AGAP1: variants seen among roughly 807,000 people sequenced by gnomAD.
AGAP1 encodes the protein ArfGAP with GTPase domain, ankyrin repeat and PH domain 1, also known as arf-GAP with GTPase, ANK repeat and PH domain-containing protein 1.
A neutral mutation model predicts 105.3 loss-of-function variants in AGAP1; 29 were observed. The observed-to-expected ratio is 0.28, with a 90% CI of 0.21 to 0.38. The LOEUF (loss-of-function observed/expected upper bound fraction) is 0.38, where lower values mean the gene tolerates loss of function less well. Ranked by LOEUF, AGAP1 falls within the 10% of genes least tolerant of loss-of-function variation. The pLI, the probability that AGAP1 is intolerant of heterozygous loss-of-function variation, is 1.00. For missense variants in AGAP1, 998 were observed against 1,165.1 expected (o/e 0.86, Z 2.09); for synonymous variants, 509 against 485.9 (o/e 1.05, Z -0.63).
chr2:235,594,203 A>C (rs966931565), intron 1 of AGAP1, among the ~76,000 whole-genome samples: 3 of 152,120 alleles, frequency 2.0e-5, no homozygotes, highest in Non-Finnish European at 4.4e-5. Flanking sequence ...TAGAGACAGA[A>C]TACAGTTCTT....
At chr2:235,649,588 C>T (rs1280568647) in intron 1 of AGAP1, among the ~76,000 whole-genome samples, 2 of 152,102 alleles carry the variant, frequency 1.3e-5, no homozygotes, top group African/African-American at 2.4e-5. Context: ...CCCAGGCTGG[C>T]CTCAGACTCG....
intron 6 of AGAP1, among the ~76,000 whole-genome samples, chr2:235,786,951 T>A (rs991456080): frequency 2.0e-5 from 3 of 152,222 alleles, no homozygotes; most frequent in Non-Finnish European, 2.9e-5. Context: ...TCTTGACACC[T>A]TTTCCCAGCA....
intron 1 of AGAP1, among the ~76,000 whole-genome samples, chr2:235,572,122 C>T (rs1165053627): frequency 6.7e-6 from 1 of 150,048 alleles, no homozygotes; most frequent in South Asian, 2.2e-4. Flanking sequence ...TAATTTGGGT[C>T]TGAACTTTAT....
Position 235,930,673 on chromosome 2 carries a change from ATG to A in AGAP1, c.1325-89_1325-88del, listed in dbSNP as rs2052678406. 2 of 1,310,970 alleles carry A rather than the reference ATG, an allele frequency of 1.5e-6. No homozygotes were observed. Among genetic ancestry groups the A allele is most frequent in the Non-Finnish European group, 2.1e-6 (2 of 963,574 alleles). 81.2% of individuals were successfully genotyped at this position (1,310,970 alleles called of 1,614,324 possible). On this transcript the variant is annotated intron_variant, in intron 11 of 17. Coordinates refer to ENST00000304032, the MANE Select transcript of AGAP1 (RefSeq NM_001037131.3). The surrounding 1 kb of genome is among the most constrained non-coding windows in gnomAD (Gnocchi z 7.9). ...GCTGCTCTCGGTGGTAAGGTGCACT[ATG>A]TGCCAGCGTGTGGGTCCCATAGACT...
chr2:235,701,334 G>A lies in AGAP1; in HGVS notation c.164-7845G>A, dbSNP rs191524591. On this transcript the variant is annotated intron_variant, in intron 1 of 17. Coordinates refer to ENST00000304032, the MANE Select transcript of AGAP1 (RefSeq NM_001037131.3). The surrounding 1 kb of genome is among the most constrained non-coding windows in gnomAD (Gnocchi z 4.1). Reference sequence around the variant, plus strand: ...ACGTTGTTGTGACAGATTCTAAGTCGCCTCAGGGCTCAGGGGAAAGAGCCT... The same window carrying A: ...ACGTTGTTGTGACAGATTCTAAGTCACCTCAGGGCTCAGGGGAAAGAGCCT... Among the ~76,000 whole-genome samples the A allele has an allele frequency of 4.6e-5, 7 of 152,118 alleles. No homozygotes were observed. Among genetic ancestry groups the A allele is most frequent in the African/African-American group, 1.4e-4 (6 of 41,500 alleles).
Position 235,747,704 on chromosome 2 carries a change from G to C in AGAP1, c.539-2650G>C, listed in dbSNP as rs542199457. Among the ~76,000 whole-genome samples the C allele has an allele frequency of 1.3e-5, 2 of 152,230 alleles. No homozygotes were observed. Among genetic ancestry groups the C allele is most frequent in the Non-Finnish European group, 2.9e-5 (2 of 68,044 alleles). On this transcript the variant is annotated intron_variant, in intron 5 of 17. Transcript: ENST00000304032. The surrounding 1 kb of genome is among the most constrained non-coding windows in gnomAD (Gnocchi z 5.0). ...CCCTGCCGCGACGCTTGCTTCCTGCGTGCAGACTTGCTCTCCGTGAAGCCC... is the reference window on the plus strand; with the variant it reads ...CCCTGCCGCGACGCTTGCTTCCTGCCTGCAGACTTGCTCTCCGTGAAGCCC...
At chr2:235,922,315 A>G (rs2052220542) in intron 11 of AGAP1, among the ~76,000 whole-genome samples, 1 of 152,214 alleles carries the variant, frequency 6.6e-6, no homozygotes, top group African/African-American at 2.4e-5. Context: ...TGCAGTGGGA[A>G]TAAACGTCTG....
chr2:235,782,722 C>A (rs556994682), intron 6 of AGAP1, among the ~76,000 whole-genome samples: 4 of 152,314 alleles, frequency 2.6e-5, no homozygotes, highest in African/African-American at 9.6e-5. Context: ...GGAAAGTCTA[C>A]CTTCTTTGGA....
rs1177103692 is a variant in AGAP1, at chr2:235,692,887, G to A, written c.164-16292G>A. Among the ~76,000 whole-genome samples, 3 of 152,112 alleles carry A rather than the reference G, an allele frequency of 2.0e-5. No homozygotes were observed. Among genetic ancestry groups the A allele is most frequent in the Admixed American group, 6.5e-5 (1 of 15,280 alleles). The stretch of plus-strand genomic sequence containing the variant: ...GGCACTGCCTGGCTCCGGAGATAGC[G>A]AGGGAGGGAGGGAGGCAGTGAGCAG... On this transcript the variant is annotated intron_variant, in intron 1 of 17. Transcript: ENST00000304032. This position sits in a 1 kb window ranked among gnomAD's most constrained non-coding sequence, Gnocchi z 5.8.
chr2:235,941,946 G>C (rs2053279218), intron 12 of AGAP1, among the ~76,000 whole-genome samples: 1 of 152,118 alleles, frequency 6.6e-6, no homozygotes, highest in African/African-American at 2.4e-5. Flanking sequence ...ATTCTAAAAA[G>C]GTTTGCCCGT....
chr2:235,590,219 T>TA (rs1687933911), intron 1 of AGAP1, among the ~76,000 whole-genome samples: 1 of 152,214 alleles, frequency 6.6e-6, no homozygotes, highest in South Asian at 2.1e-4. Context: ...CCTGAGTTTT[T>TA]ACTCGGTGTT....
At position 235,983,103 on chromosome 2, in the gene AGAP1, C is replaced by G. The variant is rs553998040; in HGVS notation, c.1645+14480C>G. Among the ~76,000 whole-genome samples, 3 of 152,280 alleles carry G rather than the reference C, an allele frequency of 2.0e-5. No individual in the cohort carries two copies. In the East Asian group the frequency reaches 5.8e-4, roughly 29 times the overall value. On this transcript the variant is annotated intron_variant, in intron 13 of 17. Coordinates refer to ENST00000304032, the MANE Select transcript of AGAP1 (RefSeq NM_001037131.3). This position sits in a 1 kb window ranked among gnomAD's most constrained non-coding sequence, Gnocchi z 4.5. ...GTGCTCACTGCTGCAGGGCCATTTG[C>G]TGAGCAGGAAGCTGGCCTCAGGGGT... is the stretch of plus-strand genomic sequence containing the variant.
At chr2:235,675,173 G>T (rs542833964) in intron 1 of AGAP1, among the ~76,000 whole-genome samples, 1 of 139,806 alleles carries the variant, frequency 7.2e-6, no homozygotes, top group African/African-American at 2.7e-5. Context: ...TTTGTTGGTT[G>T]GTTGGTTGGT....
intron 1 of AGAP1, among the ~76,000 whole-genome samples, chr2:235,561,277 C>T (rs907396391): frequency 1.3e-5 from 2 of 152,186 alleles, no homozygotes; most frequent in African/African-American, 4.8e-5. Context: ...CAATTTTAAA[C>T]TGCCCACAAA....
Position 235,891,690 on chromosome 2 carries a change from A to G in AGAP1, c.1155+8241A>G, listed in dbSNP as rs1448456194. Among the ~76,000 whole-genome samples the G allele has an allele frequency of 6.6e-6, 1 of 152,152 alleles. No individual in the cohort carries two copies. Among genetic ancestry groups the G allele is most frequent in the Non-Finnish European group, 1.5e-5 (1 of 68,010 alleles). On this transcript the variant is annotated intron_variant, in intron 10 of 17. Coordinates refer to ENST00000304032, the MANE Select transcript of AGAP1 (RefSeq NM_001037131.3). The surrounding 1 kb of genome is among the most constrained non-coding windows in gnomAD (Gnocchi z 4.2). ...TAAGTGGACCTGGAAGGATGAGCTG[A>G]GTGGCCTCACGGTCAAGCCAAGGAC...
chr2:235,943,674 G>A (rs1575841483), intron 12 of AGAP1, among the ~76,000 whole-genome samples: 2 of 152,202 alleles, frequency 1.3e-5, no homozygotes, highest in South Asian at 4.1e-4. Context: ...GGGGTATCGA[G>A]AAGAAAGAAA....
At position 235,494,604 on chromosome 2, in the gene AGAP1, C is replaced by T. The variant is rs1446631853; in HGVS notation, c.-83C>T. 4.4e-6 allele frequency: 3 copies of T among 678,834 alleles called. No homozygotes were observed. Among genetic ancestry groups the T allele is most frequent in the African/African-American group, 4.0e-5 (2 of 49,736 alleles). The allele number at this position is 678,834 out of a possible 1,614,324, so 42.1% of individuals were successfully genotyped here. A position where few individuals can be genotyped will look rare whatever the true frequency, so the allele number is the denominator to read the frequency against. ...GCCCGGCTCCCCGGGGGCTGCGGCG[C>T]CCCGGGCTCGGCGGCCCGCGGGCCC... is the stretch of plus-strand genomic sequence containing the variant. On this transcript the variant is annotated 5_prime_UTR_variant, in exon 1 of 18. Coordinates refer to ENST00000304032, the MANE Select transcript of AGAP1 (RefSeq NM_001037131.3).
In AGAP1 at chr2:235,549,795, G is replaced by A. The variant is rs939075699; in HGVS notation, c.163+54946G>A. On this transcript the variant is annotated intron_variant, in intron 1 of 17. Transcript: ENST00000304032. The surrounding 1 kb of genome is among the most constrained non-coding windows in gnomAD (Gnocchi z 4.2). ...TCAGGATTCTTACTCTAACAAACAG[G>A]TATAGACAACATCCTAGTTGCATCT... 3.3e-5 allele frequency among the ~76,000 whole-genome samples: 5 copies of A among 152,166 alleles called. No individual in the cohort carries two copies. Among genetic ancestry groups the A allele is most frequent in the Admixed American group, 6.5e-5 (1 of 15,280 alleles).
chr2:235,685,450 C>T (rs758357432), intron 1 of AGAP1, among the ~76,000 whole-genome samples: 11 of 151,278 alleles, frequency 7.3e-5, no homozygotes, highest in African/African-American at 2.4e-4. Flanking sequence ...CTCATCACCT[C>T]GATATCCTTT....
Sources: gnomAD v4.1 joint callset for allele counts (sites outside exome capture counted in the v4.1 genomes callset) on GRCh38, gnomAD v4.1.1 for gene constraint, Gnocchi (gnomAD v3.1) non-coding constraint, MANE v1.5 for transcripts, NCBI Gene and HGNC (gene_info 2026-07-23, HGNC 2026-07-21) for gene names.